Variants in TNFSF8 observed in about 807,000 individuals in gnomAD.
TNFSF8 encodes tumor necrosis factor ligand superfamily member 8.
In TNFSF8, 4 loss-of-function variants were observed where a neutral mutation model predicts 22.0. The ratio of observed to expected loss-of-function variants is 0.18; its 90% confidence interval spans 0.09 to 0.42. The LOEUF is 0.42. TNFSF8 is among the 10% of genes least tolerant of loss of function. TNFSF8 has a pLI of 1.00. For missense variants in TNFSF8, 233 were observed against 281.8 expected, an observed-to-expected ratio of 0.83 and a Z score of 1.24; for synonymous variants, 106 against 112.5, an observed-to-expected ratio of 0.94 and a Z score of 0.37.
chr9:114,908,616 C>T (rs1827813652), intron 2 of TNFSF8, among the ~76,000 whole-genome samples: 1 of 151,510 alleles, frequency 6.6e-6, no homozygotes, highest in Non-Finnish European at 1.5e-5. Flanking sequence ...GGGTTGACCT[C>T]AGTTGTAATT....
downstream of TNFSF8, among the ~76,000 whole-genome samples, chr9:114,898,593 A>G (rs1419140270): frequency 6.6e-6 from 1 of 152,162 alleles, no homozygotes; most frequent in South Asian, 2.1e-4. Flanking sequence ...ATAGTCCTTG[A>G]GATTTGGAAT....
chr9:114,898,653 A>G (rs1322067), downstream of TNFSF8, among the ~76,000 whole-genome samples: 67,786 of 151,984 alleles, frequency 0.45, 15,565 homozygotes, highest in Admixed American at 0.6. Context: ...TGGTTTGTAC[A>G]TAATGGTGAG....
At chr9:114,929,357 C>CA (rs1554778762) in intron 1 of TNFSF8, among the ~76,000 whole-genome samples, 4 of 133,036 alleles carry the variant, frequency 3.0e-5, no homozygotes, top group African/African-American at 1.1e-4. Flanking sequence ...TGTGCTGTTT[C>CA]TTTTTTTTTT....
rs958538169 is a variant in TNFSF8 at position 114,894,110 on chromosome 9, C to T, written c.464G>A (p.Gly155Glu). 4.6e-6 allele frequency: 7 copies of T among 1,535,204 alleles called. No homozygotes were observed. The African/African-American group carries it at 8.2e-5, about 18-fold the overall frequency. Residue 155 changes from glycine (G) to glutamate (E), a missense_variant, in exon 5 of 5, where the codon GGA becomes GAA. Gly to Glu is a moderately conservative substitution (Grantham distance 98). Transcript: ENST00000618336. ...TTGTAGAGTTTCAAGGCAGCAGTGT[C>T]CCTTCCCAGAGTCCAGGGTAGAGTG...
At chr9:114,897,395 T>C (rs796401615), downstream of TNFSF8, among the ~76,000 whole-genome samples, 31 of 152,258 alleles carry the variant, frequency 2.0e-4, no homozygotes, top group African/African-American at 7.5e-4. Flanking sequence ...GTCCTAGGAA[T>C]TGGGCTGGGC....
chr9:114,905,025 G>T (rs903185710), intron 3 of TNFSF8, among the ~76,000 whole-genome samples: 2 of 152,200 alleles, frequency 1.3e-5, no homozygotes, highest in African/African-American at 4.8e-5. Flanking sequence ...AGAATTAGCA[G>T]ACCCTCTAAG....
chr9:114,927,843 T>G (rs1172706530), intron 1 of TNFSF8, among the ~76,000 whole-genome samples: 1 of 152,210 alleles, frequency 6.6e-6, no homozygotes, highest in African/African-American at 2.4e-5. Context: ...CCCATTGATT[T>G]CTTTCCTAGA....
intron 1 of TNFSF8, among the ~76,000 whole-genome samples, chr9:114,924,347 C>CA (rs1309489502): frequency 6.6e-6 from 1 of 152,104 alleles, no homozygotes; most frequent in East Asian, 1.9e-4. Flanking sequence ...AACAAAAACA[C>CA]AACAGCCATA....
rs770151801 is a variant in TNFSF8 at position 114,904,026 on chromosome 9, T to C, written c.610A>G (p.Ile204Val). ...LLDYLQVNTT[I>V]SVNVDTFQYI... Reference sequence around the variant, plus strand: ...TGGAATGTATCCACATTGACTGATATGGTGGTGTTGACCTGCAGGTAATCC... The same window carrying C: ...TGGAATGTATCCACATTGACTGATACGGTGGTGTTGACCTGCAGGTAATCC... The change falls in exon 4 of 4, where the codon ATA becomes GTA. Residue 204 changes from isoleucine to valine, a missense_variant. Ile to Val is a conservative substitution (Grantham distance 29, BLOSUM62 3). Transcript: ENST00000223795. 3.1e-6 allele frequency: 5 copies of C among 1,614,136 alleles called. No individual in the cohort carries two copies. Among genetic ancestry groups the C allele is most frequent in the South Asian group, 2.2e-5 (2 of 91,072 alleles).
intron 2 of TNFSF8, among the ~76,000 whole-genome samples, chr9:114,908,807 G>C (rs1587933568): frequency 6.6e-6 from 1 of 152,124 alleles, no homozygotes; most frequent in South Asian, 2.1e-4. Flanking sequence ...TTCAGAAAGG[G>C]GCTAAAAGCA....
chr9:114,900,974 CTTG>C, downstream of TNFSF8, among the ~76,000 whole-genome samples: 1 of 152,148 alleles, frequency 6.6e-6, no homozygotes, highest in East Asian at 1.9e-4. Flanking sequence ...TCTACATTGA[CTTG>C]TTATGTTTTT....
downstream of TNFSF8, among the ~76,000 whole-genome samples, chr9:114,899,343 TTA>T (rs1491037748): frequency 5.2e-4 from 19 of 36,252 alleles, no homozygotes; most frequent in African/African-American, 4.3e-3. Flanking sequence ...CAGTAAGTTA[TTA>T]TTTTTTTTTT....
chr9:114,893,605 C>A, exon 5 of TNFSF8: 1 of 165,424 alleles, frequency 6.0e-6, no homozygotes, highest in South Asian at 1.4e-4. Context: ...AAATATATAT[C>A]AAATGCCTGC....
intron 1 of TNFSF8, among the ~76,000 whole-genome samples, chr9:114,926,257 G>A (rs2083751548): frequency 6.6e-6 from 1 of 151,902 alleles, no homozygotes; most frequent in Non-Finnish European, 1.5e-5. Flanking sequence ...GTGAAACCCC[G>A]TCTCTACTAA....
chr9:114,916,643 A>G (rs1262494164), intron 2 of TNFSF8, among the ~76,000 whole-genome samples: 22 of 152,188 alleles, frequency 1.4e-4, no homozygotes, highest in Admixed American at 1.4e-3. Context: ...TAACTGAAAC[A>G]TCTGTCTCCA....
Position 114,930,444 on chromosome 9 carries a change from G to T in TNFSF8, c.-141C>A. ...AAAAAACCTTCACCTGCTGCCTGGTGGAGAAACTCTTCTCTGGGGGCGTGA... is the reference window on the plus strand; with the variant it reads ...AAAAAACCTTCACCTGCTGCCTGGTTGAGAAACTCTTCTCTGGGGGCGTGA... On this transcript the variant is annotated 5_prime_UTR_variant, in exon 1 of 4. Coordinates refer to ENST00000223795, the MANE Select transcript of TNFSF8 (RefSeq NM_001244.4). 1 of 619,104 alleles carries T rather than the reference G, an allele frequency of 1.6e-6. No homozygotes were observed. Among genetic ancestry groups the T allele is most frequent in the Non-Finnish European group, 2.4e-6 (1 of 414,304 alleles). The allele number at this position is 619,104 out of a possible 1,614,324, so 38.4% of individuals were successfully genotyped here.
rs140297778 is a variant in TNFSF8 at position 114,928,995 on chromosome 9, G to T, written c.195+1114C>A. Among the ~76,000 whole-genome samples, 462 of 152,310 alleles carry T rather than the reference G, an allele frequency of 3.0e-3. 3 individuals are homozygous for T. Among genetic ancestry groups the T allele is most frequent in the African/African-American group, 0.01 (434 of 41,570 alleles). On this transcript the variant is annotated intron_variant, in intron 1 of 3. Transcript: ENST00000223795. ...TAATACCACGAAAAGTAGGCACTAT[G>T]AAGTAAGAAACAGAAATATTCTCAC...
intron 1 of TNFSF8, among the ~76,000 whole-genome samples, chr9:114,921,514 A>G (rs765580378): frequency 1.3e-3 from 203 of 152,310 alleles, no homozygotes; most frequent in Admixed American, 5.7e-3. Context: ...CCTCTCCCAT[A>G]AGCAGTCCCT....
intron 2 of TNFSF8, among the ~76,000 whole-genome samples, chr9:114,908,474 G>A (rs183800152): frequency 6.6e-6 from 1 of 152,274 alleles, no homozygotes; most frequent in East Asian, 1.9e-4. Context: ...TCTGCTCATT[G>A]GCCGAAAGCC....
Sources: gnomAD v4.1 joint callset for allele counts (sites outside exome capture counted in the v4.1 genomes callset) on GRCh38, gnomAD v4.1.1 for gene constraint, MANE v1.5 for transcripts, NCBI Gene and HGNC (gene_info 2026-07-23, HGNC 2026-07-21) for gene names.